GRK3: variants seen among roughly 807,000 people sequenced by gnomAD.
GRK3 encodes the protein adrenergic, beta, receptor kinase 2.
Under a neutral mutation model 95.7 loss-of-function variants are expected in GRK3, and 54 were observed. The observed-to-expected ratio is 0.56, with a 90% CI of 0.45 to 0.71. The LOEUF (loss-of-function observed/expected upper bound fraction) is 0.71, where lower values mean the gene tolerates loss of function less well. Among genes scored for constraint, GRK3 ranks in the 30% least tolerant of loss-of-function variants. The pLI is 0.00. For missense variants in GRK3, 649 were observed against 851.2 expected, an observed-to-expected ratio of 0.76 and a Z score of 2.96; for synonymous variants, 281 against 290.8, an observed-to-expected ratio of 0.97 and a Z score of 0.34.
chr22:25,636,828 G>A (rs1455453654), intron 2 of GRK3, among the ~76,000 whole-genome samples: 6 of 152,018 alleles, frequency 3.9e-5, no homozygotes, highest in African/African-American at 1.5e-4. Context: ...TTTGTATCTG[G>A]CAACTTTTGA....
chr22:25,631,394 G>A (rs2084663318), intron 2 of GRK3, among the ~76,000 whole-genome samples: 2 of 152,176 alleles, frequency 1.3e-5, no homozygotes, highest in South Asian at 4.2e-4. Flanking sequence ...AAAACATCCT[G>A]TAGACATTGA....
chr22:25,718,944 G>A (rs1183750612), intron 19 of GRK3, among the ~76,000 whole-genome samples: 2 of 152,114 alleles, frequency 1.3e-5, no homozygotes, highest in Non-Finnish European at 2.9e-5. Flanking sequence ...AAACAACACA[G>A]TCTAACGACT....
intron 2 of GRK3, among the ~76,000 whole-genome samples, chr22:25,613,116 C>T (rs1601473740): frequency 6.6e-6 from 1 of 151,500 alleles, no homozygotes; most frequent in African/African-American, 2.4e-5. Flanking sequence ...TATAAGTCAG[C>T]AGCTTTGGAT....
At position 25,718,252 on chromosome 22, in the gene GRK3, T is replaced by C; in HGVS notation, c.1662T>C (p.Ala554=). 1 of 1,613,802 alleles carries C rather than the reference T, an allele frequency of 6.2e-7. No individual in the cohort carries two copies. Among genetic ancestry groups the C allele is most frequent in the Non-Finnish European group, 8.5e-7 (1 of 1,179,784 alleles). Residue 554 remains alanine (A), a synonymous_variant, in exon 19 of 21, where the codon GCT becomes GCC. Transcript: ENST00000324198. ...NKQLGHEEDY[A]LGKDCIMHGY... is the part of the protein sequence containing the mutation. The stretch of plus-strand genomic sequence containing the variant: ...TGATTTTGTATTCCTCAGATTACGC[T>C]CTGGGGAAGGACTGTATTATGCACG...
chr22:25,697,274 G>A (rs1362131764), intron 13 of GRK3, among the ~76,000 whole-genome samples: 3 of 152,198 alleles, frequency 2.0e-5, no homozygotes, highest in African/African-American at 7.2e-5. Flanking sequence ...TTTTTTAAAA[G>A]ACTAGAGGGT....
At chr22:25,647,658 A>G in intron 3 of GRK3, 1 of 1,414,370 alleles carries the variant, frequency 7.1e-7, no homozygotes, top group Non-Finnish European at 1.0e-6. Context: ...GGGAAGCAAG[A>G]TCAATCACTA....
At chr22:25,641,732 C>T (rs1444290858) in intron 2 of GRK3, among the ~76,000 whole-genome samples, 3 of 151,404 alleles carry the variant, frequency 2.0e-5, no homozygotes, top group Admixed American at 6.6e-5. Context: ...TGGGAATAGC[C>T]GGTAAGAAAC....
At chr22:25,671,381 T>C (rs2084981720) in intron 6 of GRK3, among the ~76,000 whole-genome samples, 1 of 152,158 alleles carries the variant, frequency 6.6e-6, no homozygotes, top group African/African-American at 2.4e-5. Flanking sequence ...CTTACAGATA[T>C]ATTGCTCATT....
chr22:25,696,674 A>C (rs773480043), intron 13 of GRK3, among the ~76,000 whole-genome samples: 13 of 152,224 alleles, frequency 8.5e-5, no homozygotes, highest in Non-Finnish European at 1.9e-4. Flanking sequence ...ACTGCATCTT[A>C]CTACATTTAG....
chr22:25,615,468 GTTTTACACCTTGTCTTT>G (rs1400982643), intron 2 of GRK3, among the ~76,000 whole-genome samples: 1 of 152,130 alleles, frequency 6.6e-6, no homozygotes, highest in Non-Finnish European at 1.5e-5. Flanking sequence ...TTTTCTGATG[GTTTTACACCTTGTCTTT>G]GATTTATTTT....
chr22:25,697,693 A>G (rs1014414722), intron 13 of GRK3, among the ~76,000 whole-genome samples: 1 of 152,226 alleles, frequency 6.6e-6, no homozygotes, highest in Non-Finnish European at 1.5e-5. Flanking sequence ...TTTGAGGAGA[A>G]AAAAGATTTC....
Position 25,688,868 on chromosome 22 carries a change from A to C in GRK3, c.957+1201A>C, listed in dbSNP as rs894769897. Among the ~76,000 whole-genome samples, 4 of 152,354 alleles carry C rather than the reference A, an allele frequency of 2.6e-5. No homozygotes were observed. In the South Asian group the frequency reaches 8.3e-4, roughly 32 times the overall value. On this transcript the variant is annotated intron_variant, in intron 11 of 20. Coordinates refer to ENST00000324198, the MANE Select transcript of GRK3 (RefSeq NM_005160.4). ...AGAAATGCGTAAATTGTAATAAGAA[A>C]AATGATGGGACTGACAATTTGCCAA...
intron 10 of GRK3, among the ~76,000 whole-genome samples, chr22:25,685,504 T>A (rs954465241): frequency 6.6e-6 from 1 of 152,234 alleles, no homozygotes; most frequent in African/African-American, 2.4e-5. Flanking sequence ...ATACTTACAG[T>A]GAAACTTGAT....
rs1386637347 is a variant in GRK3, at chr22:25,726,945, G to C, written c.*4495G>C. The C allele has an allele frequency of 6.4e-6, 1 of 156,386 alleles. No individual in the cohort carries two copies. Among genetic ancestry groups the C allele is most frequent in the Non-Finnish European group, 1.4e-5 (1 of 71,914 alleles). 9.7% of individuals were successfully genotyped at this position (156,386 alleles called of 1,614,324 possible). A position where few individuals can be genotyped will look rare whatever the true frequency, so the allele number is the denominator to read the frequency against. ...TGTGTGTGTGTGTGTGTGTGTGTGT[G>C]TGTGTGTGTGTGCACTTTGCAGCCC... is the stretch of plus-strand genomic sequence containing the variant. On this transcript the variant is annotated 3_prime_UTR_variant, in exon 21 of 21. Transcript: ENST00000324198.
At chr22:25,667,671 C>T (rs2084951457) in intron 5 of GRK3, 68 bp from the exon 6 acceptor site, 1 of 1,130,058 alleles carries the variant, frequency 8.8e-7, no homozygotes, top group Non-Finnish European at 1.3e-6. Context: ...ACCTGAGTCT[C>T]ATTGGTTTGT....
chr22:25,625,663 C>A (rs763388437), intron 2 of GRK3, among the ~76,000 whole-genome samples: 6 of 152,338 alleles, frequency 3.9e-5, no homozygotes, highest in Non-Finnish European at 4.4e-5. Context: ...GCCTAACCGT[C>A]TCCCTGTGAT....
At chr22:25,645,282 T>A (rs187483903) in intron 3 of GRK3, among the ~76,000 whole-genome samples, 1 of 152,224 alleles carries the variant, frequency 6.6e-6, no homozygotes, top group Non-Finnish European at 1.5e-5. Context: ...GGGCGAGAGA[T>A]GGAAACTCTA....
intron 6 of GRK3, among the ~76,000 whole-genome samples, chr22:25,670,419 T>C (rs1045024187): frequency 3.3e-5 from 5 of 152,024 alleles, no homozygotes; most frequent in African/African-American, 1.2e-4. Context: ...GAGGATCACT[T>C]GAGCCTAGGA....
chr22:25,707,147 T>C (rs1396816175), intron 15 of GRK3, among the ~76,000 whole-genome samples: 14 of 152,196 alleles, frequency 9.2e-5, no homozygotes, highest in Admixed American at 9.2e-4. Context: ...ATCTCTGTGT[T>C]CCTTTCCTGC....
Sources: gnomAD v4.1 joint callset for allele counts (sites outside exome capture counted in the v4.1 genomes callset) on GRCh38, gnomAD v4.1.1 for gene constraint, MANE v1.5 for transcripts, NCBI Gene and HGNC (gene_info 2026-07-23, HGNC 2026-07-21) for gene names.